The following CTNNA2 variants were observed in gnomAD, a reference collection of about 807,000 sequenced individuals.
The protein encoded by CTNNA2 is catenin alpha-2.
CTNNA2 carries 42 observed loss-of-function variants against 101.0 expected under a neutral mutation model. The observed-to-expected ratio is 0.42, with a 90% CI of 0.32 to 0.54. The LOEUF (loss-of-function observed/expected upper bound fraction) is 0.54, where lower values mean the gene tolerates loss of function less well. CTNNA2 is among the 20% of genes least tolerant of loss of function. The probability of loss-of-function intolerance (pLI) is 0.14; values close to 1 mark genes in which losing one functional copy is unlikely to be tolerated. For missense variants in CTNNA2, 871 were observed against 1,223.1 expected, an observed-to-expected ratio of 0.71 and a Z score of 4.29; for synonymous variants, 450 against 456.4, an observed-to-expected ratio of 0.99 and a Z score of 0.18.
At chr2:80,248,581 A>T (rs465222) in intron 7 of CTNNA2, among the ~76,000 whole-genome samples, 1 of 151,944 alleles carries the variant, frequency 6.6e-6, no homozygotes, top group Non-Finnish European at 1.5e-5. Flanking sequence ...TTTGTAGCCC[A>T]GTTTTGTCTG....
At chr2:80,385,637 T>C (rs1025860428) in intron 7 of CTNNA2, among the ~76,000 whole-genome samples, 8 of 152,178 alleles carry the variant, frequency 5.3e-5, no homozygotes, top group Non-Finnish European at 1.0e-4. Flanking sequence ...CTCCTTCTTC[T>C]TCCCTTAAAT....
intron 2 of CTNNA2, among the ~76,000 whole-genome samples, chr2:79,670,783 A>T (rs1394062735): frequency 6.6e-6 from 1 of 152,116 alleles, no homozygotes; most frequent in Non-Finnish European, 1.5e-5. Context: ...GCTCTGGATC[A>T]CGTGTTTAAC....
chr2:80,231,267 G>A (rs1709194929), intron 7 of CTNNA2, among the ~76,000 whole-genome samples: 1 of 152,040 alleles, frequency 6.6e-6, no homozygotes, highest in Non-Finnish European at 1.5e-5. Flanking sequence ...GATTACAGGT[G>A]TGAGCCACCA....
At chr2:79,863,744 C>T (rs1035965788) in intron 4 of CTNNA2, among the ~76,000 whole-genome samples, 9 of 152,124 alleles carry the variant, frequency 5.9e-5, no homozygotes, top group Non-Finnish European at 1.3e-4. Context: ...AGGACCCCAC[C>T]CTACCAGGCC....
intron 7 of CTNNA2, among the ~76,000 whole-genome samples, chr2:80,158,724 A>G (rs1249789011): frequency 6.6e-6 from 1 of 152,130 alleles, no homozygotes; most frequent in African/African-American, 2.4e-5. Context: ...CCTGGCTAAC[A>G]TGGTGAAACC....
intron 4 of CTNNA2, among the ~76,000 whole-genome samples, chr2:79,441,113 G>A (rs1384583563): frequency 6.6e-6 from 1 of 152,130 alleles, no homozygotes; most frequent in Non-Finnish European, 1.5e-5. Context: ...GAATGGAGCA[G>A]TTCACTTCCT....
intron 2 of CTNNA2, among the ~76,000 whole-genome samples, chr2:79,704,013 A>G (rs17017611): frequency 0.15 from 23,333 of 152,100 alleles, 2,207 homozygotes; most frequent in Admixed American, 0.24. Context: ...AAGTTGGCAT[A>G]TATATTTAGT....
chr2:79,862,193 G>C (rs1444355548), intron 4 of CTNNA2, among the ~76,000 whole-genome samples: 2 of 152,208 alleles, frequency 1.3e-5, no homozygotes, highest in Non-Finnish European at 2.9e-5. Flanking sequence ...TAATGTTCTT[G>C]ATTATTTGAT....
chr2:79,846,530 A>G (rs1236009419), intron 3 of CTNNA2, among the ~76,000 whole-genome samples: 5 of 152,248 alleles, frequency 3.3e-5, no homozygotes, highest in African/African-American at 9.6e-5. Flanking sequence ...TGGAGTATCA[A>G]GACATCCAAA....
intron 7 of CTNNA2, among the ~76,000 whole-genome samples, chr2:80,066,558 T>C (rs145878002): frequency 6.6e-6 from 1 of 152,280 alleles, no homozygotes; most frequent in East Asian, 1.9e-4. Context: ...TCACACTTTT[T>C]AGAATGGCTG....
chr2:79,641,230 G>A (rs891609597), intron 1 of CTNNA2, among the ~76,000 whole-genome samples: 7 of 152,224 alleles, frequency 4.6e-5, no homozygotes, highest in African/African-American at 1.7e-4. Flanking sequence ...TAATTAGTTT[G>A]GGCTAAATTT....
intron 7 of CTNNA2, among the ~76,000 whole-genome samples, chr2:80,174,775 A>G (rs1370674884): frequency 6.6e-6 from 1 of 152,106 alleles, no homozygotes; most frequent in Non-Finnish European, 1.5e-5. Context: ...CTTCCATGTC[A>G]GAGTTCCTGG....
chr2:80,281,944 T>TA (rs1398361295), intron 7 of CTNNA2, among the ~76,000 whole-genome samples: 1 of 119,034 alleles, frequency 8.4e-6, no homozygotes, highest in African/African-American at 4.9e-5. Context: ...TTTTGGAAAG[T>TA]TTTTTTTTTT....
rs544448964 is a variant in CTNNA2 at position 80,615,151 on chromosome 2, A to T, written c.2431-3934A>T. Among the ~76,000 whole-genome samples the T allele has an allele frequency of 2.0e-5, 3 of 151,646 alleles. No individual in the cohort carries two copies. In the South Asian group the frequency reaches 6.2e-4, roughly 31 times the overall value. ...GGGGATTTTGTCATTGATTTTACAC[A>T]TCTTTCCATTACCTTAGCTGGTTAA... On this transcript the variant is annotated intron_variant, in intron 17 of 18. Transcript: ENST00000402739.
chr2:80,639,525 G>T (rs867448017), intron 18 of CTNNA2, among the ~76,000 whole-genome samples: 1 of 142,972 alleles, frequency 7.0e-6, no homozygotes, highest in East Asian at 1.9e-4. Context: ...GTGTGTGTGT[G>T]TGTGTGTGTG....
chr2:79,491,663 C>T (rs1045922975), intron 4 of CTNNA2, among the ~76,000 whole-genome samples: 1 of 152,008 alleles, frequency 6.6e-6, no homozygotes, highest in Admixed American at 6.6e-5. Flanking sequence ...GAAATCTGGA[C>T]CTATTACTAG....
In CTNNA2 at chr2:80,517,126, G is replaced by T. The variant is rs570972671; in HGVS notation, c.1291-27856G>T. 5.8e-4 allele frequency among the ~76,000 whole-genome samples: 89 copies of T among 152,304 alleles called. 1 individual carries two copies. The highest frequency in any genetic ancestry group is 1.2e-3 in the Admixed American group (19 of 15,302). On this transcript the variant is annotated intron_variant, in intron 9 of 18. Transcript: ENST00000402739. ...CATTTGTTTCTGACCTTCAGCGAAA[G>T]AATTCAGTTAGGCACTATAAATTTG...
chr2:79,299,336 A>G (rs1039189904), intron 2 of CTNNA2, among the ~76,000 whole-genome samples: 1 of 152,184 alleles, frequency 6.6e-6, no homozygotes, highest in Non-Finnish European at 1.5e-5. Flanking sequence ...TTAACCTGTC[A>G]GCATTATTCT....
chr2:79,589,009 G>A (rs907665079), intron 1 of CTNNA2, among the ~76,000 whole-genome samples: 3 of 152,206 alleles, frequency 2.0e-5, no homozygotes, highest in Admixed American at 6.5e-5. Context: ...CACTTACTGA[G>A]TGCTCAATAC....
Sources: gnomAD v4.1 joint callset for allele counts (sites outside exome capture counted in the v4.1 genomes callset) on GRCh38, gnomAD v4.1.1 for gene constraint, MANE v1.5 for transcripts, NCBI Gene and HGNC (gene_info 2026-07-23, HGNC 2026-07-21) for gene names.